Variants in MGAT4C observed in about 807,000 individuals in gnomAD.
MGAT4C encodes MGAT4 family member C.
Under a neutral mutation model 40.1 loss-of-function variants are expected in MGAT4C, and 19 were observed. That is an observed-to-expected ratio of 0.47 (90% CI 0.33 to 0.70). MGAT4C has a LOEUF of 0.70. Among genes scored for constraint, MGAT4C ranks in the 30% least tolerant of loss-of-function variants. MGAT4C has a pLI of 0.02. For synonymous variants in MGAT4C, 181 were observed against 187.1 expected (o/e 0.97, Z 0.27); for missense variants, 491 against 563.2 (o/e 0.87, Z 1.30).
intron 1 of MGAT4C, among the ~76,000 whole-genome samples, chr12:86,764,385 C>T (rs897649669): frequency 6.6e-6 from 1 of 152,162 alleles, no homozygotes; most frequent in Non-Finnish European, 1.5e-5. Context: ...TGGAGCCCAC[C>T]ACAGCTCAAG....
chr12:86,407,675 T>C (rs1956502498), intron 3 of MGAT4C, among the ~76,000 whole-genome samples: 3 of 152,042 alleles, frequency 2.0e-5, no homozygotes, highest in Admixed American at 2.0e-4. Flanking sequence ...GCAATTTGAT[T>C]CAGTTTCATA....
At chr12:86,609,304 G>C (rs997197245) in intron 2 of MGAT4C, among the ~76,000 whole-genome samples, 1 of 152,048 alleles carries the variant, frequency 6.6e-6, no homozygotes, top group East Asian at 1.9e-4. Context: ...CCATGACAGG[G>C]GGAAAGGAGT....
intron 1 of MGAT4C, among the ~76,000 whole-genome samples, chr12:86,782,356 T>A (rs1951861827): frequency 2.6e-5 from 4 of 151,934 alleles, no homozygotes; most frequent in African/African-American, 9.6e-5. Flanking sequence ...TAATTTTTTG[T>A]ATTTTTAATA....
At chr12:86,069,780 T>A (rs902076561) in intron 1 of MGAT4C, among the ~76,000 whole-genome samples, 4 of 152,158 alleles carry the variant, frequency 2.6e-5, no homozygotes, top group African/African-American at 9.7e-5. Flanking sequence ...TTTTAACTAG[T>A]GTGTTTTTAA....
chr12:86,273,144 A>G (rs1300333449), intron 4 of MGAT4C, among the ~76,000 whole-genome samples: 1 of 152,162 alleles, frequency 6.6e-6, no homozygotes, highest in Non-Finnish European at 1.5e-5. Context: ...TGACAAGATC[A>G]ATTTCCTGGA....
intron 3 of MGAT4C, among the ~76,000 whole-genome samples, chr12:86,348,137 A>AT (rs1172330721): frequency 6.6e-6 from 1 of 152,096 alleles, no homozygotes; most frequent in Non-Finnish European, 1.5e-5. Flanking sequence ...GAATTAAATG[A>AT]TTTTTATTTA....
At chr12:86,139,881 TC>T (rs1882582574) in intron 1 of MGAT4C, among the ~76,000 whole-genome samples, 1 of 152,212 alleles carries the variant, frequency 6.6e-6, no homozygotes, top group Non-Finnish European at 1.5e-5. Flanking sequence ...AGTCATCCAT[TC>T]CTCATCCAGC....
chr12:86,794,988 A>C (rs1952087922), intron 1 of MGAT4C, among the ~76,000 whole-genome samples: 1 of 151,944 alleles, frequency 6.6e-6, no homozygotes, highest in Non-Finnish European at 1.5e-5. Context: ...TCTGATAATT[A>C]CTTTACAATA....
intron 1 of MGAT4C, among the ~76,000 whole-genome samples, chr12:86,761,346 A>T (rs1951402191): frequency 6.6e-6 from 1 of 152,154 alleles, no homozygotes; most frequent in African/African-American, 2.4e-5. Flanking sequence ...GCTAAATATT[A>T]TTATGGGTTA....
chr12:86,053,245 C>A (rs1393387468), intron 1 of MGAT4C, among the ~76,000 whole-genome samples: 1 of 68,182 alleles, frequency 1.5e-5, no homozygotes, highest in Non-Finnish European at 2.4e-5. Context: ...GAGTATTTGA[C>A]TTTGTGTGTG....
chr12:86,076,556 G>A (rs922854304), intron 1 of MGAT4C, among the ~76,000 whole-genome samples: 4 of 151,988 alleles, frequency 2.6e-5, no homozygotes, highest in African/African-American at 7.2e-5. Context: ...AGAAAAAGAG[G>A]TTTAGTTGGA....
At chr12:86,285,148 A>T (rs1418615456) in intron 4 of MGAT4C, among the ~76,000 whole-genome samples, 1 of 152,046 alleles carries the variant, frequency 6.6e-6, no homozygotes, top group Non-Finnish European at 1.5e-5. Flanking sequence ...AATGTACATC[A>T]TCTCCAGGTA....
chr12:86,157,821 C>G (rs574792376), intron 1 of MGAT4C, among the ~76,000 whole-genome samples: 1 of 152,192 alleles, frequency 6.6e-6, no homozygotes, highest in South Asian at 2.1e-4. Flanking sequence ...GTGGGGGAAA[C>G]GGCCCCCATA....
intron 1 of MGAT4C, among the ~76,000 whole-genome samples, chr12:86,227,202 C>G (rs1951126148): frequency 6.8e-6 from 1 of 147,856 alleles, no homozygotes. Flanking sequence ...TCTTCTTTCT[C>G]AATAAATGCT....
chr12:86,426,467 A>T (rs1355451767), intron 3 of MGAT4C, among the ~76,000 whole-genome samples: 1 of 152,234 alleles, frequency 6.6e-6, no homozygotes, highest in African/African-American at 2.4e-5. Context: ...CATATGTATA[A>T]TAAAGTATCA....
At chr12:86,550,689 C>T (rs1269160551) in intron 2 of MGAT4C, among the ~76,000 whole-genome samples, 4 of 152,182 alleles carry the variant, frequency 2.6e-5, no homozygotes, top group Admixed American at 2.6e-4. Context: ...GGGAAACTAA[C>T]ACCCACGATC....
At position 86,160,487 on chromosome 12, in the gene MGAT4C, G is replaced by A. The variant is rs189009902; in HGVS notation, c.-57+95752C>T. The stretch of plus-strand genomic sequence containing the variant: ...TTGAATGTATTGATGCTTGCTTTAT[G>A]AGCGAGCATGTGATCAATCTTAGAA... On this transcript the variant is annotated intron_variant, in intron 1 of 4. Transcript: ENST00000611864. 1.8e-3 allele frequency among the ~76,000 whole-genome samples: 271 copies of A among 152,136 alleles called. 2 individuals are homozygous for A. Among genetic ancestry groups the A allele is most frequent in the Non-Finnish European group, 2.8e-3 (189 of 67,950 alleles).
intron 4 of MGAT4C, 45 bp from the exon 5 acceptor site, chr12:85,980,475 A>G: frequency 6.7e-7 from 1 of 1,485,368 alleles, no homozygotes; most frequent in South Asian, 1.4e-5. Flanking sequence ...AACTAGAAAT[A>G]TGGAAAAAGT....
intron 1 of MGAT4C, among the ~76,000 whole-genome samples, chr12:86,223,995 C>T (rs1364927831): frequency 4.6e-5 from 7 of 152,142 alleles, no homozygotes; most frequent in Admixed American, 3.3e-4. Flanking sequence ...TGCCCAAAAC[C>T]TGGCCAACAA....
Sources: gnomAD v4.1 joint callset for allele counts (sites outside exome capture counted in the v4.1 genomes callset) on GRCh38, gnomAD v4.1.1 for gene constraint, MANE v1.5 for transcripts, NCBI Gene and HGNC (gene_info 2026-07-23, HGNC 2026-07-21) for gene names.